HECW1: variants seen among roughly 807,000 people sequenced by gnomAD.
The protein encoded by HECW1 is E3 ubiquitin-protein ligase HECW1.
HECW1 carries 61 observed loss-of-function variants against 182.3 expected under a neutral mutation model. The ratio of observed to expected loss-of-function variants is 0.33; its 90% confidence interval spans 0.27 to 0.41. The LOEUF is 0.41. HECW1 is among the 10% of genes least tolerant of loss of function. The pLI, the probability that HECW1 is intolerant of heterozygous loss-of-function variation, is 1.00. For missense variants in HECW1, 1,739 were observed against 2,108.9 expected (o/e 0.82, Z 3.44); for synonymous variants, 859 against 832.6 (o/e 1.03, Z -0.55).
chr7:43,480,062 C>A (rs973519643), intron 17 of HECW1, among the ~76,000 whole-genome samples: 1 of 152,168 alleles, frequency 6.6e-6, no homozygotes, highest in African/African-American at 2.4e-5. Flanking sequence ...CCTCCTGAGG[C>A]CTGTCATGTG....
At position 43,302,955 on chromosome 7, in the gene HECW1, G is replaced by GCA. The variant is rs544198607; in HGVS notation, c.28-8795_28-8794dup. ...CACACACGTGCACACACACATGCGCGCACACACACACACAGGAATACCAGT... is the reference window on the plus strand; with the variant it reads ...CACACACGTGCACACACACATGCGCGCACACACACACACACAGGAATACCAGT... On this transcript the variant is annotated intron_variant, in intron 3 of 29. Coordinates refer to ENST00000395891, the MANE Select transcript of HECW1 (RefSeq NM_015052.5). 4.0e-3 allele frequency among the ~76,000 whole-genome samples: 612 copies of GCA among 151,222 alleles called. 8 individuals are homozygous for GCA. Among genetic ancestry groups the GCA allele is most frequent in the African/African-American group, 0.014 (587 of 41,286 alleles).
intron 6 of HECW1, among the ~76,000 whole-genome samples, chr7:43,396,227 C>G (rs2075225851): frequency 6.6e-6 from 1 of 152,142 alleles, no homozygotes; most frequent in Non-Finnish European, 1.5e-5. Context: ...ACATTGTTTT[C>G]AAATACCTAC....
intron 21 of HECW1, among the ~76,000 whole-genome samples, chr7:43,502,251 A>G (rs1032685081): frequency 1.3e-4 from 20 of 152,348 alleles, no homozygotes; most frequent in African/African-American, 4.1e-4. Context: ...ACATTTCAAA[A>G]TTATTCCTCC....
At chr7:43,214,157 A>G (rs542531635) in intron 2 of HECW1, among the ~76,000 whole-genome samples, 2 of 151,726 alleles carry the variant, frequency 1.3e-5, no homozygotes, top group South Asian at 2.1e-4. Context: ...CTAGTTTTTC[A>G]TATATATTTC....
chr7:43,166,789 T>C (rs919645751), intron 2 of HECW1, among the ~76,000 whole-genome samples: 1 of 152,198 alleles, frequency 6.6e-6, no homozygotes, highest in Non-Finnish European at 1.5e-5. Flanking sequence ...ATTTGAATTA[T>C]TGATCTTAAT....
At chr7:43,271,202 GT>G (rs2152740961) in intron 3 of HECW1, among the ~76,000 whole-genome samples, 1 of 152,302 alleles carries the variant, frequency 6.6e-6, no homozygotes, top group African/African-American at 2.4e-5. Flanking sequence ...AAGTGTGGAT[GT>G]ATGTACATCC....
At chr7:43,126,775 T>A (rs917133477) in intron 2 of HECW1, among the ~76,000 whole-genome samples, 1 of 152,210 alleles carries the variant, frequency 6.6e-6, no homozygotes, top group Admixed American at 6.5e-5. Context: ...TTAAGCTTCT[T>A]TATTATGATA....
chr7:43,344,706 C>G (rs966298464), intron 5 of HECW1, among the ~76,000 whole-genome samples: 1 of 152,046 alleles, frequency 6.6e-6, no homozygotes, highest in Non-Finnish European at 1.5e-5. Context: ...TATTTTCCAT[C>G]CTTTTCCTCT....
At chr7:43,165,658 G>T (rs1031831884) in intron 2 of HECW1, among the ~76,000 whole-genome samples, 1 of 152,044 alleles carries the variant, frequency 6.6e-6, no homozygotes, top group African/African-American at 2.4e-5. Flanking sequence ...ATACATAGGC[G>T]TTGTGAGCCC....
intron 24 of HECW1, among the ~76,000 whole-genome samples, chr7:43,533,530 A>C (rs1214333156): frequency 6.6e-6 from 1 of 152,160 alleles, no homozygotes; most frequent in Non-Finnish European, 1.5e-5. Context: ...CTCTGGCCTC[A>C]TTCACTGACC....
chr7:43,350,477 A>G (rs978679219), intron 5 of HECW1, among the ~76,000 whole-genome samples: 1 of 152,098 alleles, frequency 6.6e-6, no homozygotes, highest in East Asian at 1.9e-4. Context: ...TTAGAATTCT[A>G]TTCTTCCTCA....
At chr7:43,466,250 T>G (rs989465652) in intron 14 of HECW1, among the ~76,000 whole-genome samples, 197 bp from the exon 15 acceptor site, 1 of 152,150 alleles carries the variant, frequency 6.6e-6, no homozygotes, top group African/African-American at 2.4e-5. Flanking sequence ...GACTTGAGCC[T>G]TACTGAAGTT....
chr7:43,147,959 A>G (rs1237818494), intron 2 of HECW1, among the ~76,000 whole-genome samples: 1 of 152,242 alleles, frequency 6.6e-6, no homozygotes, highest in African/African-American at 2.4e-5. Context: ...CTATTTAGTG[A>G]TAGTGGGCAA....
rs1252894599 is a variant in HECW1 at position 43,508,991 on chromosome 7, C to T, written c.3889C>T (p.Arg1297Trp). 8 of 1,613,874 alleles carry T rather than the reference C, an allele frequency of 5.0e-6. No homozygotes were observed. Among genetic ancestry groups the T allele is most frequent in the Middle Eastern group, 1.7e-4 (1 of 6,036 alleles). Residue 1297 changes from arginine to tryptophan, a missense_variant, in exon 24 of 30, where the codon CGG (arginine) becomes TGG (tryptophan). By Grantham distance (101) the Arg-to-Trp change is moderately radical. This residue lies in a region of HECW1 where 420 missense variants were observed against 595.7 expected (regional missense o/e 0.71). Coordinates refer to ENST00000395891, the MANE Select transcript of HECW1 (RefSeq NM_015052.5). The stretch of plus-strand genomic sequence containing the variant: ...CAGCCTGGACTACAGTGGCCCCTCG[C>T]GGGAGTTCTTCTTCCTTCTGTCTCA... ...EEGLDYSGPS[R>W]EFFFLLSQEL...
intron 8 of HECW1, among the ~76,000 whole-genome samples, chr7:43,423,747 C>T (rs2076269813): frequency 6.6e-6 from 1 of 152,188 alleles, no homozygotes; most frequent in African/African-American, 2.4e-5. Context: ...TTAGTGAAAT[C>T]AGCCATCGAG....
chr7:43,408,015 A>T (rs2075670035), intron 8 of HECW1, among the ~76,000 whole-genome samples: 1 of 152,160 alleles, frequency 6.6e-6, no homozygotes, highest in African/African-American at 2.4e-5. Flanking sequence ...TCTGCCCTTC[A>T]TGTGGGAGAA....
chr7:43,553,204 ATTAC>A (rs2081900415), intron 28 of HECW1, among the ~76,000 whole-genome samples: 1 of 152,210 alleles, frequency 6.6e-6, no homozygotes, highest in African/African-American at 2.4e-5. Context: ...CAAGTTCCTT[ATTAC>A]TTATAGATTT....
intron 2 of HECW1, among the ~76,000 whole-genome samples, chr7:43,124,362 A>G (rs1374891961): frequency 6.6e-6 from 1 of 152,214 alleles, no homozygotes; most frequent in Admixed American, 6.5e-5. Flanking sequence ...TAGCAGGTGG[A>G]ACTCATGACT....
chr7:43,397,917 T>C (rs1191873702), intron 7 of HECW1, among the ~76,000 whole-genome samples: 2 of 152,200 alleles, frequency 1.3e-5, no homozygotes, highest in Non-Finnish European at 2.9e-5. Context: ...GGGAAATCTT[T>C]GTATTATCTT....
Sources: gnomAD v4.1 joint callset for allele counts (sites outside exome capture counted in the v4.1 genomes callset) on GRCh38, gnomAD v4.1.1 for gene constraint, gnomAD v4.1.1 regional missense constraint, MANE v1.5 for transcripts, NCBI Gene and HGNC (gene_info 2026-07-23, HGNC 2026-07-21) for gene names.